FRS2: variants seen among roughly 807,000 people sequenced by gnomAD.
FRS2 encodes FGFR signalling adaptor.
Under a neutral mutation model 43.9 loss-of-function variants are expected in FRS2, and 8 were observed. The observed-to-expected ratio is 0.18, with a 90% confidence interval of 0.11 to 0.33. The LOEUF is 0.33. Among genes scored for constraint, FRS2 ranks in the 10% least tolerant of loss-of-function variants. The pLI is 1.00. For missense variants in FRS2, 534 were observed against 627.6 expected, an observed-to-expected ratio of 0.85 and a Z score of 1.59; for synonymous variants, 219 against 220.3, an observed-to-expected ratio of 0.99 and a Z score of 0.05.
rs1371878939 is a variant in FRS2 at position 69,578,884 on chromosome 12, A to AC, written c.*3934dup. On this transcript the variant is annotated 3_prime_UTR_variant, in exon 9 of 9. Transcript: ENST00000549921. ...AAATTGTATATGAAATATGAATTTT[A>AC]CCCCCATGGTTAATTTCTTTTATAA... 6.6e-6 allele frequency: 1 copy of AC among 152,600 alleles called. No individual in the cohort carries two copies. The highest frequency in any genetic ancestry group is 6.6e-5 in the Admixed American group (1 of 15,260). 9.5% of individuals were successfully genotyped at this position (152,600 alleles called of 1,614,324 possible). A position where few individuals can be genotyped will look rare whatever the true frequency, so the allele number is the denominator to read the frequency against.
At chr12:69,532,245 A>G (rs1876871735) in intron 3 of FRS2, among the ~76,000 whole-genome samples, 189 bp downstream of exon 3, 1 of 152,214 alleles carries the variant, frequency 6.6e-6, no homozygotes, top group African/African-American at 2.4e-5. Flanking sequence ...TCTTGTTTGA[A>G]TTTAGGATAA....
intron 3 of FRS2, among the ~76,000 whole-genome samples, chr12:69,550,143 T>G (rs921505068): frequency 6.6e-6 from 1 of 152,224 alleles, no homozygotes; most frequent in Non-Finnish European, 1.5e-5. Flanking sequence ...TTCTAAATCT[T>G]GTGTCCTTCC....
In FRS2 at chr12:69,488,643, T is replaced by G. The variant is rs145828508; in HGVS notation, c.-261+18113T>G. On this transcript the variant is annotated intron_variant, in intron 1 of 8. Coordinates refer to ENST00000549921, the MANE Select transcript of FRS2 (RefSeq NM_001278356.2). ...AAATCCTTCCACGTTTTCATGCTTT[T>G]CCTCCTATTTGAAGCTGTTTTGACA... 3.9e-3 allele frequency among the ~76,000 whole-genome samples: 589 copies of G among 152,306 alleles called. 5 individuals carry two copies. Among genetic ancestry groups the G allele is most frequent in the Non-Finnish European group, 6.2e-3 (422 of 68,024 alleles).
intron 1 of FRS2, among the ~76,000 whole-genome samples, chr12:69,487,378 C>T (rs1872049965): frequency 6.6e-6 from 1 of 152,100 alleles, no homozygotes; most frequent in Non-Finnish European, 1.5e-5. Context: ...GTCCTAGGGC[C>T]CTTTAAGAAT....
chr12:69,563,350 T>G (rs1880020973), intron 4 of FRS2, among the ~76,000 whole-genome samples: 1 of 152,230 alleles, frequency 6.6e-6, no homozygotes, highest in African/African-American at 2.4e-5. Flanking sequence ...CTGCCCATGT[T>G]CCAGCTGTGT....
chr12:69,516,364 G>A lies in FRS2; in HGVS notation c.-260-14501G>A, dbSNP rs528424328. On this transcript the variant is annotated intron_variant, in intron 1 of 8. Transcript: ENST00000549921. ...CTCCGGAGTAGCTGGGATTACAGGC[G>A]TGTGCCACCACGCCTGGCTAATTTT... Among the ~76,000 whole-genome samples the A allele has an allele frequency of 1.6e-3, 241 of 152,030 alleles. 2 individuals carry two copies. Among genetic ancestry groups the A allele is most frequent in the Admixed American group, 4.3e-3 (65 of 15,280 alleles).
intron 1 of FRS2, among the ~76,000 whole-genome samples, chr12:69,519,894 G>A (rs542576901): frequency 2.4e-4 from 36 of 152,338 alleles, no homozygotes; most frequent in African/African-American, 8.7e-4. Context: ...CTTTATGACA[G>A]AACGATTTAT....
intron 1 of FRS2, among the ~76,000 whole-genome samples, chr12:69,474,938 A>G (rs1592899966): frequency 6.6e-6 from 1 of 152,154 alleles, no homozygotes; most frequent in South Asian, 2.1e-4. Flanking sequence ...TTCCAACTCT[A>G]TTTTATAAGT....
intron 1 of FRS2, among the ~76,000 whole-genome samples, chr12:69,499,745 G>T (rs1239744023): frequency 6.7e-6 from 1 of 148,180 alleles, no homozygotes; most frequent in Non-Finnish European, 1.5e-5. Context: ...TTGTGTGAAT[G>T]GTTATATAGG....
At chr12:69,478,543 G>T (rs1029998067) in intron 1 of FRS2, among the ~76,000 whole-genome samples, 1 of 152,150 alleles carries the variant, frequency 6.6e-6, no homozygotes, top group South Asian at 2.1e-4. Context: ...TCACATGTAG[G>T]CAGATTAGGC....
At chr12:69,488,001 G>T (rs181566269) in intron 1 of FRS2, among the ~76,000 whole-genome samples, 4 of 152,330 alleles carry the variant, frequency 2.6e-5, no homozygotes, top group Middle Eastern at 3.4e-3. Flanking sequence ...AAACTTTAAC[G>T]GATGAGGAAT....
At chr12:69,506,992 G>A (rs1232697125) in intron 1 of FRS2, among the ~76,000 whole-genome samples, 1 of 152,170 alleles carries the variant, frequency 6.6e-6, no homozygotes, top group Non-Finnish European at 1.5e-5. Flanking sequence ...GCCCCACCAC[G>A]TGATGCCCTC....
At chr12:69,498,519 TTG>T (rs71094717) in intron 1 of FRS2, among the ~76,000 whole-genome samples, 26,681 of 141,414 alleles carry the variant, frequency 0.19, 2,497 homozygotes, top group Middle Eastern at 0.29. Flanking sequence ...TTATGAGGGT[TTG>T]TGTGTGTGTG....
intron 1 of FRS2, among the ~76,000 whole-genome samples, chr12:69,496,990 GATATAAAATGGAT>G (rs1196684185): frequency 1.3e-5 from 2 of 152,172 alleles, no homozygotes; most frequent in African/African-American, 2.4e-5. Context: ...AGGAAGCAAA[GATATAAAATGGAT>G]GATATTAAAT....
intron 1 of FRS2, among the ~76,000 whole-genome samples, chr12:69,503,631 G>T (rs1209224957): frequency 6.6e-6 from 1 of 152,118 alleles, no homozygotes; most frequent in Non-Finnish European, 1.5e-5. Flanking sequence ...TCTACGTGGT[G>T]GTAATGGAGA....
intron 1 of FRS2, among the ~76,000 whole-genome samples, chr12:69,513,115 CT>C (rs201134804): frequency 0.19 from 28,889 of 149,474 alleles, 2,964 homozygotes; most frequent in Middle Eastern, 0.29. Flanking sequence ...GTGACTTCTC[CT>C]CCCGCCCCCA....
At chr12:69,530,166 A>G (rs552874325) in intron 1 of FRS2, among the ~76,000 whole-genome samples, 2 of 146,538 alleles carry the variant, frequency 1.4e-5, no homozygotes, top group South Asian at 4.5e-4. Context: ...GCTTATAACA[A>G]TTAATGATAA....
chr12:69,484,468 G>T (rs1277041040), intron 1 of FRS2, among the ~76,000 whole-genome samples: 1 of 152,172 alleles, frequency 6.6e-6, no homozygotes, highest in South Asian at 2.1e-4. Context: ...TTAGCTTACA[G>T]GTTTACCTAC....
rs1872009326 is a variant in FRS2, at chr12:69,486,926, G to A, written c.-261+16396G>A. Among the ~76,000 whole-genome samples the A allele has an allele frequency of 3.9e-5, 6 of 152,238 alleles. No homozygotes were observed. The South Asian group carries it at 1.2e-3, about 31-fold the overall frequency. ...TGAAGCCAAATAGAGGTTGGTTCAT[G>A]AGGTTTAAGGAAAGAGGCCATCTAT... On this transcript the variant is annotated intron_variant, in intron 1 of 8. Transcript: ENST00000549921.
Sources: allele counts gnomAD v4.1 joint callset (sites outside exome capture counted in the v4.1 genomes callset), GRCh38; gene constraint gnomAD v4.1.1; transcripts MANE v1.5; gene names NCBI Gene and HGNC (gene_info 2026-07-23, HGNC 2026-07-21).